Variants in MCPH1 observed in about 807,000 individuals in gnomAD.
MCPH1 encodes microcephalin 1, also known as microcephalin.
In MCPH1, 104 loss-of-function variants were observed where a neutral mutation model predicts 84.5. The ratio of observed to expected loss-of-function variants is 1.23; its 90% confidence interval spans 1.05 to 1.45. MCPH1 has a LOEUF of 1.45. MCPH1 is among the 40% of genes most tolerant of loss of function. The pLI is 0.00. For synonymous variants in MCPH1, 514 were observed against 366.8 expected (o/e 1.40, Z -4.58); for missense variants, 1,498 against 1,005.7 (o/e 1.49, Z -6.62).
chr8:6,411,669 T>G (rs775831077), intron 2 of MCPH1, among the ~76,000 whole-genome samples: 1 of 152,244 alleles, frequency 6.6e-6, no homozygotes, highest in East Asian at 1.9e-4. Context: ...ATTTTTATTA[T>G]AATACATTGC....
Position 6,648,337 on chromosome 8 carries a change from C to A in MCPH1, c.*5288C>A, listed in dbSNP as rs1798313734. The A allele has an allele frequency of 6.6e-6, 1 of 152,256 alleles. No homozygotes were observed. Among genetic ancestry groups the A allele is most frequent in the African/African-American group, 2.4e-5 (1 of 41,462 alleles). 9.4% of individuals were successfully genotyped at this position (152,256 alleles called of 1,614,324 possible). ...TCCCAGGAGTCACGCTTAGTCATCT[C>A]TTGCTCTTTGAACTCCATGTCTGTA... On this transcript the variant is annotated 3_prime_UTR_variant, in exon 14 of 14. Transcript: ENST00000344683.
intron 1 of MCPH1, 106 bp from the exon 2 acceptor site, chr8:6,409,173 A>T: frequency 1.1e-6 from 1 of 941,788 alleles, no homozygotes; most frequent in Non-Finnish European, 1.7e-6. Flanking sequence ...GGCGTGAGCC[A>T]CTGTGCCGGC....
chr8:6,512,919 A>C (rs534138951), intron 12 of MCPH1, among the ~76,000 whole-genome samples: 2 of 152,358 alleles, frequency 1.3e-5, no homozygotes, highest in East Asian at 3.9e-4. Context: ...AAACTTGACA[A>C]CTAATCTTGA....
intron 11 of MCPH1, 73 bp downstream of exon 11, chr8:6,480,949 C>T (rs1809147525): frequency 1.3e-6 from 2 of 1,541,502 alleles, no homozygotes; most frequent in East Asian, 2.2e-5. Context: ...GAGGTGCCGA[C>T]ATCAGCACTC....
At chr8:6,633,313 C>A (rs1797302926) in intron 13 of MCPH1, among the ~76,000 whole-genome samples, 1 of 152,194 alleles carries the variant, frequency 6.6e-6, no homozygotes, top group Non-Finnish European at 1.5e-5. Context: ...TAAACTGTTA[C>A]AACTCATTCA....
intron 12 of MCPH1, among the ~76,000 whole-genome samples, chr8:6,527,052 C>T (rs991091403): frequency 1.3e-5 from 2 of 152,222 alleles, no homozygotes; most frequent in Admixed American, 1.3e-4. Context: ...ATAGACCATT[C>T]TGCGTTGAGT....
At chr8:6,510,889 CAT>C (rs762190616) in intron 12 of MCPH1, among the ~76,000 whole-genome samples, 6 of 152,196 alleles carry the variant, frequency 3.9e-5, no homozygotes, top group Non-Finnish European at 7.3e-5. Context: ...TATTTTCCCA[CAT>C]GTTTCAAAAG....
At chr8:6,542,519 C>T (rs1315143007) in intron 12 of MCPH1, among the ~76,000 whole-genome samples, 1 of 151,890 alleles carries the variant, frequency 6.6e-6, no homozygotes, top group African/African-American at 2.4e-5. Context: ...TAGCTGGTAG[C>T]AGAGTACTAA....
At chr8:6,505,259 GTTT>G (rs1396801325) in intron 12 of MCPH1, among the ~76,000 whole-genome samples, 4 of 20,392 alleles carry the variant, frequency 2.0e-4, no homozygotes, top group East Asian at 3.6e-3. Flanking sequence ...CTTTATATAT[GTTT>G]TATATATATG....
chr8:6,574,568 AC>A (rs750439708), intron 12 of MCPH1, among the ~76,000 whole-genome samples: 4 of 152,242 alleles, frequency 2.6e-5, no homozygotes, highest in Non-Finnish European at 4.4e-5. Flanking sequence ...AATTTTGAAA[AC>A]ACCTAAAGGG....
intron 12 of MCPH1, chr8:6,562,528 G>T (rs543304004): frequency 3.5e-6 from 3 of 845,650 alleles, no homozygotes; most frequent in Non-Finnish European, 4.9e-6. Context: ...CCGCTCTCCA[G>T]CTCTAATCCT....
intron 12 of MCPH1, among the ~76,000 whole-genome samples, chr8:6,605,323 C>A (rs768124836): frequency 6.6e-6 from 1 of 152,226 alleles, no homozygotes; most frequent in Admixed American, 6.5e-5. Flanking sequence ...TTGGGACTCA[C>A]ACTCCTTGCA....
At position 6,631,835 on chromosome 8, in the gene MCPH1, G is replaced by A. The variant is rs549784145; in HGVS notation, c.2452+10144G>A. ...GTATGATCCAACAATTCCTCTTCTGGGTATATGCCAAAAAAATTGAAAGCA... is the reference window on the plus strand; with the variant it reads ...GTATGATCCAACAATTCCTCTTCTGAGTATATGCCAAAAAAATTGAAAGCA... On this transcript the variant is annotated intron_variant, in intron 13 of 13. Coordinates refer to ENST00000344683, the MANE Select transcript of MCPH1 (RefSeq NM_024596.5). Among the ~76,000 whole-genome samples, 3 of 152,100 alleles carry A rather than the reference G, an allele frequency of 2.0e-5. No homozygotes were observed. The South Asian group carries it at 6.2e-4, about 32-fold the overall frequency.
chr8:6,464,619 A>G (rs1806647698), intron 9 of MCPH1, among the ~76,000 whole-genome samples: 1 of 152,212 alleles, frequency 6.6e-6, no homozygotes, highest in African/African-American at 2.4e-5. Flanking sequence ...GGCCACGTAA[A>G]GGTAGAGGCC....
chr8:6,599,657 G>C (rs527616701), intron 12 of MCPH1, among the ~76,000 whole-genome samples: 1 of 152,346 alleles, frequency 6.6e-6, no homozygotes, highest in East Asian at 1.9e-4. Context: ...TCAGGTGCTT[G>C]TTGAGTCATC....
intron 12 of MCPH1, 124 bp downstream of exon 12, chr8:6,500,053 C>T (rs1811847780): frequency 2.5e-6 from 2 of 804,492 alleles, no homozygotes; most frequent in Admixed American, 1.9e-5. Context: ...ATTAAAAAGA[C>T]ATTCACAGAA....
intron 9 of MCPH1, among the ~76,000 whole-genome samples, chr8:6,470,593 C>T (rs1272547850): frequency 6.6e-6 from 1 of 152,180 alleles, no homozygotes; most frequent in Non-Finnish European, 1.5e-5. Context: ...CTCTGAGATC[C>T]TCGTACTTTT....
intron 12 of MCPH1, among the ~76,000 whole-genome samples, chr8:6,526,906 G>T (rs1200670511): frequency 2.6e-5 from 4 of 151,942 alleles, no homozygotes; most frequent in Non-Finnish European, 4.4e-5. Context: ...TTGATCTTGA[G>T]ATTTTTCTAT....
At chr8:6,425,182 C>A (rs1002230379) in intron 3 of MCPH1, among the ~76,000 whole-genome samples, 1 of 152,162 alleles carries the variant, frequency 6.6e-6, no homozygotes, top group Non-Finnish European at 1.5e-5. Context: ...AGCACGGCTT[C>A]CCGAGGAGAA....
Sources: gnomAD v4.1 joint callset for allele counts (sites outside exome capture counted in the v4.1 genomes callset) on GRCh38, gnomAD v4.1.1 for gene constraint, MANE v1.5 for transcripts, NCBI Gene and HGNC (gene_info 2026-07-23, HGNC 2026-07-21) for gene names.